The following WWOX variants were observed in gnomAD, a reference collection of about 807,000 sequenced individuals.
WWOX encodes the protein WW domain containing oxidoreductase.
In WWOX, 69 loss-of-function variants were observed where a neutral mutation model predicts 46.2. The ratio of observed to expected loss-of-function variants is 1.49; its 90% confidence interval spans 1.23 to 1.82. WWOX has a LOEUF of 1.82. Ranked by LOEUF, WWOX falls within the 40% of genes most tolerant of loss-of-function variation. WWOX has a pLI of 0.00. For missense variants in WWOX, 919 were observed against 542.6 expected, an observed-to-expected ratio of 1.69 and a Z score of -6.89; for synonymous variants, 359 against 202.6, an observed-to-expected ratio of 1.77 and a Z score of -6.56.
chr16:78,226,151 A>T (rs1332293589), intron 5 of WWOX, among the ~76,000 whole-genome samples: 1 of 152,198 alleles, frequency 6.6e-6, no homozygotes, highest in East Asian at 1.9e-4. Flanking sequence ...ACCGCTAGAG[A>T]TGAATAGCCT....
chr16:78,768,889 G>A (rs934574692), intron 8 of WWOX, among the ~76,000 whole-genome samples: 2 of 152,164 alleles, frequency 1.3e-5, no homozygotes, highest in Non-Finnish European at 2.9e-5. Flanking sequence ...GCCGTTGTTT[G>A]TAAGCAGGAA....
intron 8 of WWOX, among the ~76,000 whole-genome samples, chr16:78,656,820 A>G (rs1337376023): frequency 1.3e-5 from 2 of 152,046 alleles, no homozygotes; most frequent in African/African-American, 2.4e-5. Context: ...GACACAGAAG[A>G]CTGGTGAGTT....
rs375358544 is a variant in WWOX, at chr16:78,621,934, C to T, written c.1056+189182C>T. Among the ~76,000 whole-genome samples, 4 of 152,120 alleles carry T rather than the reference C, an allele frequency of 2.6e-5. No individual in the cohort carries two copies. In the East Asian group the frequency reaches 5.8e-4, roughly 22 times the overall value. On this transcript the variant is annotated intron_variant, in intron 8 of 8. Coordinates refer to ENST00000566780, the MANE Select transcript of WWOX (RefSeq NM_016373.4). ...TGTTTTAATCTTTTAGACAACTGGA[C>T]ACAGGTTTGTCTTTGAAATTGTACT...
intron 6 of WWOX, among the ~76,000 whole-genome samples, chr16:78,393,018 C>A (rs1371252914): frequency 6.6e-6 from 1 of 152,178 alleles, no homozygotes; most frequent in East Asian, 1.9e-4. Context: ...TTGGGCATTA[C>A]TGGAAAGTTC....
At chr16:78,330,599 G>A (rs1267040492) in intron 5 of WWOX, among the ~76,000 whole-genome samples, 1 of 152,186 alleles carries the variant, frequency 6.6e-6, no homozygotes, top group African/African-American at 2.4e-5. Flanking sequence ...GTTTCACCGT[G>A]TTGGCCGGGA....
chr16:78,563,275 G>T (rs1446007104), intron 8 of WWOX, among the ~76,000 whole-genome samples: 2 of 151,974 alleles, frequency 1.3e-5, no homozygotes, highest in East Asian at 3.9e-4. Flanking sequence ...CTGTGTATGG[G>T]GTAAGTGTTG....
At chr16:78,352,313 A>C (rs1307432000) in intron 5 of WWOX, among the ~76,000 whole-genome samples, 1 of 152,158 alleles carries the variant, frequency 6.6e-6, no homozygotes. Context: ...GAACCACACA[A>C]AAGTTACACT....
intron 8 of WWOX, among the ~76,000 whole-genome samples, chr16:79,139,544 T>G (rs2050047999): frequency 6.6e-6 from 1 of 152,254 alleles, no homozygotes; most frequent in African/African-American, 2.4e-5. Flanking sequence ...CTTTAGCTTC[T>G]TTGGAATCGA....
At chr16:78,733,007 G>A (rs1178326974) in intron 8 of WWOX, among the ~76,000 whole-genome samples, 1 of 152,038 alleles carries the variant, frequency 6.6e-6, no homozygotes, top group Non-Finnish European at 1.5e-5. Context: ...GTCTTTGTCA[G>A]GACCCATTCC....
intron 6 of WWOX, among the ~76,000 whole-genome samples, chr16:78,424,524 G>T (rs903906315): frequency 1.3e-5 from 2 of 152,182 alleles, no homozygotes; most frequent in African/African-American, 4.8e-5. Context: ...AATTAAGAAA[G>T]AATTAATCAG....
At chr16:78,377,554 C>T (rs1021860197) in intron 5 of WWOX, among the ~76,000 whole-genome samples, 3 of 152,166 alleles carry the variant, frequency 2.0e-5, no homozygotes, top group Non-Finnish European at 2.9e-5. Context: ...AAAGCTCTTA[C>T]TTCAATAGCA....
chr16:78,565,012 C>T (rs1050348896), intron 8 of WWOX, among the ~76,000 whole-genome samples: 1 of 152,120 alleles, frequency 6.6e-6, no homozygotes, highest in African/African-American at 2.4e-5. Context: ...TGTTGGAGCC[C>T]TAGGAACCGA....
chr16:79,094,299 G>T (rs1273704594), intron 8 of WWOX, among the ~76,000 whole-genome samples: 2 of 150,848 alleles, frequency 1.3e-5, no homozygotes, highest in Non-Finnish European at 2.9e-5. Flanking sequence ...TGTCTCCCAG[G>T]CTGGAGTGCA....
intron 8 of WWOX, among the ~76,000 whole-genome samples, chr16:79,063,293 A>C (rs1249650428): frequency 6.6e-6 from 1 of 152,198 alleles, no homozygotes; most frequent in Non-Finnish European, 1.5e-5. Context: ...TGCTCTTTAT[A>C]GCCGTGTTTT....
intron 8 of WWOX, among the ~76,000 whole-genome samples, chr16:79,179,636 C>T (rs1296447938): frequency 6.6e-6 from 1 of 152,204 alleles, no homozygotes; most frequent in African/African-American, 2.4e-5. Context: ...AGCAGAGCTT[C>T]CCTTCCATTG....
At chr16:79,056,399 G>A (rs567728959) in intron 8 of WWOX, among the ~76,000 whole-genome samples, 11 of 152,310 alleles carry the variant, frequency 7.2e-5, no homozygotes, top group East Asian at 5.8e-4. Context: ...GAGTAGTGTC[G>A]TGAATGAGGC....
intron 6 of WWOX, among the ~76,000 whole-genome samples, chr16:78,406,241 T>A (rs946905757): frequency 6.9e-6 from 1 of 145,822 alleles, no homozygotes; most frequent in Admixed American, 7.0e-5. Flanking sequence ...TAGGACTATT[T>A]GTGAAATTGA....
chr16:78,888,811 T>G (rs2044523457), intron 8 of WWOX, among the ~76,000 whole-genome samples: 1 of 66,542 alleles, frequency 1.5e-5, no homozygotes, highest in Non-Finnish European at 4.7e-5. Context: ...GGATATTGAT[T>G]TTTTTTTTCT....
At chr16:78,895,010 G>T (rs559514817) in intron 8 of WWOX, among the ~76,000 whole-genome samples, 12 of 152,114 alleles carry the variant, frequency 7.9e-5, no homozygotes, top group Non-Finnish European at 1.2e-4. Flanking sequence ...CCATCATGCC[G>T]CCGGGCACCG....
Sources: gnomAD v4.1 joint callset for allele counts (sites outside exome capture counted in the v4.1 genomes callset) on GRCh38, gnomAD v4.1.1 for gene constraint, MANE v1.5 for transcripts, NCBI Gene and HGNC (gene_info 2026-07-23, HGNC 2026-07-21) for gene names.